Variants in MYO16 observed in about 807,000 individuals in gnomAD.
The protein encoded by MYO16 is unconventional myosin-XVI.
A neutral mutation model predicts 205.3 loss-of-function variants in MYO16; 94 were observed. The observed-to-expected ratio is 0.46, with a 90% CI of 0.39 to 0.54. The LOEUF (loss-of-function observed/expected upper bound fraction) is 0.54. Among genes scored for constraint, MYO16 ranks in the 20% least tolerant of loss-of-function variants. The pLI, the probability that MYO16 is intolerant of heterozygous loss-of-function variation, is 0.00. For synonymous variants in MYO16, 988 were observed against 954.0 expected, an observed-to-expected ratio of 1.04 and a Z score of -0.66; for missense variants, 2,315 against 2,387.5, an observed-to-expected ratio of 0.97 and a Z score of 0.63.
intron 9 of MYO16, among the ~76,000 whole-genome samples, chr13:108,833,318 ATCTCTCCAAGAGC>A (rs1289595242): frequency 6.6e-6 from 1 of 151,908 alleles, no homozygotes; most frequent in East Asian, 1.9e-4. Flanking sequence ...ATTAATTCAA[ATCTCTCCAAGAGC>A]TCTTTCATTT....
intron 1 of MYO16, among the ~76,000 whole-genome samples, chr13:108,652,789 C>A (rs957252551): frequency 2.0e-5 from 3 of 152,120 alleles, no homozygotes; most frequent in African/African-American, 7.2e-5. Flanking sequence ...TTTTGTTTAT[C>A]CATTCATCTA....
Position 108,787,128 on chromosome 13 carries a change from ATGTTAAG to A in MYO16, c.616+1391_616+1397del, listed in dbSNP as rs562700190. Among the ~76,000 whole-genome samples, 15 of 152,354 alleles carry A rather than the reference ATGTTAAG, an allele frequency of 9.8e-5. No individual in the cohort carries two copies. The East Asian group carries it at 2.9e-3, about 29-fold the overall frequency. ...GAAATTTGCTGAGATCATAGTTTGT[ATGTTAAG>A]TGTTATCACCAAATAATAGTAAAAA... On this transcript the variant is annotated intron_variant, in intron 5 of 34. Coordinates refer to ENST00000457511, the MANE Select transcript of MYO16 (RefSeq NM_001198950.3).
intron 3 of MYO16, among the ~76,000 whole-genome samples, chr13:108,719,640 A>G (rs1191704792): frequency 1.3e-5 from 2 of 152,162 alleles, no homozygotes; most frequent in African/African-American, 2.4e-5. Flanking sequence ...TAACAGATAT[A>G]TGAATGTCTC....
intron 27 of MYO16, among the ~76,000 whole-genome samples, chr13:109,078,624 G>T (rs997602695): frequency 5.3e-5 from 8 of 151,880 alleles, no homozygotes; most frequent in Non-Finnish European, 8.8e-5. Flanking sequence ...GTTTTAATTT[G>T]TCCAGTGATG....
intron 6 of MYO16, among the ~76,000 whole-genome samples, chr13:108,798,797 C>T (rs1195506343): frequency 7.0e-6 from 1 of 143,860 alleles, no homozygotes; most frequent in Non-Finnish European, 1.5e-5. Flanking sequence ...GCTCCGCCTC[C>T]CGGGTTCACG....
chr13:109,159,981 G>A (rs1027595607), intron 32 of MYO16, among the ~76,000 whole-genome samples: 3 of 152,188 alleles, frequency 2.0e-5, no homozygotes, highest in African/African-American at 7.2e-5. Context: ...GACATGATCC[G>A]ACTTATGTTT....
intron 2 of MYO16, among the ~76,000 whole-genome samples, chr13:108,701,375 A>C (rs909760967): frequency 2.0e-5 from 3 of 152,088 alleles, no homozygotes; most frequent in Non-Finnish European, 4.4e-5. Context: ...TGAGTGGTTT[A>C]ATGCTGTTAT....
intron 1 of MYO16, among the ~76,000 whole-genome samples, chr13:108,618,307 G>C (rs991703302): frequency 5.3e-5 from 8 of 152,286 alleles, no homozygotes; most frequent in African/African-American, 1.9e-4. Flanking sequence ...TGGAAGAGAT[G>C]CATGTAATTC....
At chr13:108,576,305 T>C in the MYO16 span, among the ~76,000 whole-genome samples, 26,095 of 152,154 alleles carry the variant, frequency 0.17, 2,491 homozygotes, top group Non-Finnish European at 0.22. Flanking sequence ...AAACACAGGC[T>C]CTGTACATCC....
At chr13:108,625,589 CT>C (rs757533185), upstream of MYO16, among the ~76,000 whole-genome samples, 1 of 152,162 alleles carries the variant, frequency 6.6e-6, no homozygotes. Context: ...ATAAATTTAG[CT>C]GTCAGCCATT....
intron 9 of MYO16, among the ~76,000 whole-genome samples, chr13:108,841,619 A>G (rs575457379): frequency 5.2e-4 from 79 of 152,302 alleles, no homozygotes; most frequent in Non-Finnish European, 9.0e-4. Flanking sequence ...ATTTGCCAAG[A>G]GCTTATCTGA....
chr13:109,140,533 G>C lies in MYO16; in HGVS notation c.4321G>C (p.Ala1441Pro). 1 of 1,551,050 alleles carries C rather than the reference G, an allele frequency of 6.4e-7. No homozygotes were observed. Among genetic ancestry groups the C allele is most frequent in the Non-Finnish European group, 8.6e-7 (1 of 1,156,556 alleles). Residue 1441 changes from alanine (A) to proline (P), a missense_variant, in exon 32 of 35, where the codon GCG (alanine) becomes CCG (proline). Coordinates refer to ENST00000457511, the MANE Select transcript of MYO16 (RefSeq NM_001198950.3). The surrounding 1 kb of genome is among the most constrained non-coding windows in gnomAD (Gnocchi z 8.0). ...EPVYIEMLGH[A>P]ARPDSPDPGE... ...TGTGTACATCGAGATGCTGGGGCAC[G>C]CGGCCAGGCCCGATAGCCCGGACCC...
chr13:109,019,328 A>C (rs1885942087), intron 22 of MYO16, among the ~76,000 whole-genome samples: 1 of 152,066 alleles, frequency 6.6e-6, no homozygotes, highest in Non-Finnish European at 1.5e-5. Flanking sequence ...TTTTTTGATA[A>C]GTTTCTTGTC....
intron 2 of MYO16, among the ~76,000 whole-genome samples, chr13:108,695,767 C>T (rs892410482): frequency 6.6e-6 from 1 of 151,956 alleles, no homozygotes; most frequent in Non-Finnish European, 1.5e-5. Context: ...CAAAAATTCA[C>T]CAAAAATGTG....
At chr13:109,110,873 A>G (rs1246089645) in intron 28 of MYO16, among the ~76,000 whole-genome samples, 5 of 152,206 alleles carry the variant, frequency 3.3e-5, no homozygotes, top group Non-Finnish European at 7.3e-5. Flanking sequence ...AAGGATAGAC[A>G]ATATTCTACT....
chr13:108,641,005 C>T (rs1255983722), intron 1 of MYO16, among the ~76,000 whole-genome samples: 2 of 152,180 alleles, frequency 1.3e-5, no homozygotes, highest in Non-Finnish European at 2.9e-5. Context: ...AAGCTTCATA[C>T]TGTGGAGTCC....
intron 27 of MYO16, among the ~76,000 whole-genome samples, chr13:109,084,590 C>A (rs1888380077): frequency 6.6e-6 from 1 of 152,122 alleles, no homozygotes; most frequent in African/African-American, 2.4e-5. Flanking sequence ...TTATTAGAAT[C>A]ATATTAAATA....
chr13:108,591,918 CT>C (rs1286600430), upstream of MYO16, among the ~76,000 whole-genome samples: 2 of 152,046 alleles, frequency 1.3e-5, no homozygotes, highest in Non-Finnish European at 2.9e-5. Flanking sequence ...CTCAGGAGAA[CT>C]TTTCTAGCGT....
intron 1 of MYO16, among the ~76,000 whole-genome samples, chr13:108,638,684 C>CT (rs2139373091): frequency 6.6e-6 from 1 of 152,216 alleles, no homozygotes; most frequent in Non-Finnish European, 1.5e-5. Flanking sequence ...TTCACTCACG[C>CT]CAGACATTCT....
Sources: allele counts gnomAD v4.1 joint callset (sites outside exome capture counted in the v4.1 genomes callset), GRCh38; gene constraint gnomAD v4.1.1; non-coding constraint Gnocchi (gnomAD v3.1); transcripts MANE v1.5; gene names NCBI Gene and HGNC (gene_info 2026-07-23, HGNC 2026-07-21).